The following NDEL1 variants were observed in gnomAD, a reference collection of about 807,000 sequenced individuals.
The protein encoded by NDEL1 is nudE neurodevelopment protein 1 like 1.
A neutral mutation model predicts 45.7 loss-of-function variants in NDEL1; 9 were observed. The ratio of observed to expected loss-of-function variants is 0.20; its 90% CI spans 0.12 to 0.34. The LOEUF is 0.34. Among genes scored for constraint, NDEL1 ranks in the 10% least tolerant of loss-of-function variants. The pLI is 1.00. For missense variants in NDEL1, 306 were observed against 406.2 expected, an observed-to-expected ratio of 0.75 and a Z score of 2.12; for synonymous variants, 133 against 158.6, an observed-to-expected ratio of 0.84 and a Z score of 1.21.
At chr17:8,461,879 T>A (rs1207727249) in intron 8 of NDEL1, among the ~76,000 whole-genome samples, 3 of 152,102 alleles carry the variant, frequency 2.0e-5, no homozygotes, top group African/African-American at 7.2e-5. Flanking sequence ...CAGGTGTGAA[T>A]CATAAATGGA....
At chr17:8,446,927 A>T (rs751899999) in intron 4 of NDEL1, 25 bp downstream of exon 4, 1 of 1,607,618 alleles carries the variant, frequency 6.2e-7, no homozygotes, top group Non-Finnish European at 8.5e-7. Context: ...GCATTTTGTT[A>T]GAAAAAAACC....
intron 1 of NDEL1, among the ~76,000 whole-genome samples, chr17:8,421,880 C>T (rs552134568): frequency 3.9e-5 from 6 of 152,220 alleles, no homozygotes; most frequent in African/African-American, 1.2e-4. Flanking sequence ...TCTGCTCCAC[C>T]GGGATGGTGC....
upstream of NDEL1, chr17:8,435,858 C>T (rs1909283278): frequency 2.2e-6 from 1 of 446,858 alleles, no homozygotes; most frequent in South Asian, 1.6e-5. Flanking sequence ...CCCCGTGCGT[C>T]ACAGAATGGC....
chr17:8,463,244 C>T, intron 8 of NDEL1: 1 of 1,184,412 alleles, frequency 8.4e-7, no homozygotes, highest in Non-Finnish European at 1.3e-6. Flanking sequence ...TGTAGGTGGG[C>T]ATGGACTAAT....
chr17:8,468,423 G>A (rs1237530119), downstream of NDEL1, among the ~76,000 whole-genome samples: 3 of 152,224 alleles, frequency 2.0e-5, no homozygotes, highest in Non-Finnish European at 2.9e-5. Flanking sequence ...TGAAAGGAAG[G>A]ACCAGGATGT....
At chr17:8,444,583 T>C in intron 2 of NDEL1, 1 of 408,728 alleles carries the variant, frequency 2.4e-6, no homozygotes, top group Non-Finnish European at 4.4e-6. Context: ...AAACTGTCAT[T>C]TATGATTTCT....
At chr17:8,437,270 C>G (rs376945405) in intron 1 of NDEL1, among the ~76,000 whole-genome samples, 1 of 152,132 alleles carries the variant, frequency 6.6e-6, no homozygotes, top group East Asian at 1.9e-4. Context: ...GCGTGAGAAA[C>G]AAAACCTTTG....
intron 2 of NDEL1, among the ~76,000 whole-genome samples, chr17:8,445,295 A>C (rs1325511453): frequency 6.6e-6 from 1 of 152,244 alleles, no homozygotes; most frequent in Non-Finnish European, 1.5e-5. Flanking sequence ...ATTTTGAAAT[A>C]GTCATGAAAA....
At chr17:8,442,991 G>A (rs2151713424) in intron 1 of NDEL1, among the ~76,000 whole-genome samples, 1 of 151,696 alleles carries the variant, frequency 6.6e-6, no homozygotes, top group South Asian at 2.1e-4. Flanking sequence ...GTGTTAGCCA[G>A]GATGGTCTCA....
chr17:8,437,988 T>A (rs1384165152), intron 1 of NDEL1, among the ~76,000 whole-genome samples: 1 of 152,102 alleles, frequency 6.6e-6, no homozygotes, highest in Non-Finnish European at 1.5e-5. Flanking sequence ...TGATGGAGTC[T>A]CCCTCTGTTG....
chr17:8,418,829 CTCTCTCTTTCTCTT>C (rs945965059), intron 1 of NDEL1, among the ~76,000 whole-genome samples: 1 of 124,884 alleles, frequency 8.0e-6, no homozygotes, highest in African/African-American at 2.6e-5. Context: ...TCCTCTCTCT[CTCTCTCTTTCTCTT>C]TCTCTCTCTT....
At chr17:8,446,449 CA>C (rs1910083835) in intron 3 of NDEL1, among the ~76,000 whole-genome samples, 1 of 152,158 alleles carries the variant, frequency 6.6e-6, no homozygotes, top group Non-Finnish European at 1.5e-5. Context: ...CCCTGGGCCG[CA>C]TTTAGCCTGA....
intron 1 of NDEL1, among the ~76,000 whole-genome samples, chr17:8,427,898 G>A (rs893472045): frequency 6.6e-6 from 1 of 152,094 alleles, no homozygotes; most frequent in African/African-American, 2.4e-5. Flanking sequence ...TCTATTTAAG[G>A]CATTTGCATG....
At chr17:8,457,352 C>T (rs1314514549) in intron 7 of NDEL1, among the ~76,000 whole-genome samples, 1 of 152,106 alleles carries the variant, frequency 6.6e-6, no homozygotes, top group African/African-American at 2.4e-5. Context: ...GTCTTTGTTC[C>T]TTGTTTGTTT....
At chr17:8,415,322 G>C (rs1756782991) in intron 1 of NDEL1, among the ~76,000 whole-genome samples, 1 of 152,022 alleles carries the variant, frequency 6.6e-6, no homozygotes, top group South Asian at 2.1e-4. Flanking sequence ...GGGGCCACAG[G>C]TGTCTGCCAT....
At chr17:8,413,138 A>G (rs4791701) in exon 1 of NDEL1, 63,250 of 152,174 alleles carry the variant, frequency 0.42, 13,635 homozygotes, top group African/African-American at 0.53. Context: ...TCCATTTCCC[A>G]TCCTTGCGTA....
At chr17:8,452,740 C>CTTTTTTTTTTTTTTTTTTTTTTTTTCT in intron 6 of NDEL1, among the ~76,000 whole-genome samples, 1 of 95,628 alleles carries the variant, frequency 1.0e-5, no homozygotes, top group Non-Finnish European at 2.0e-5. Flanking sequence ...TTTTTCTTCT[C>CTTTTTTTTTTTTTTTTTTTTTTTTTCT]TTTTTTTTTT....
chr17:8,427,436 C>T (rs1908865525), intron 1 of NDEL1, among the ~76,000 whole-genome samples: 1 of 152,138 alleles, frequency 6.6e-6, no homozygotes, highest in African/African-American at 2.4e-5. Flanking sequence ...CATGGTGGCT[C>T]ATGCCTGTAA....
intron 1 of NDEL1, among the ~76,000 whole-genome samples, chr17:8,417,748 G>A (rs1314095734): frequency 6.6e-6 from 1 of 152,208 alleles, no homozygotes; most frequent in East Asian, 1.9e-4. Flanking sequence ...TAGCTTCAAA[G>A]ACTTCCCCTC....
Sources: gnomAD v4.1 joint callset for allele counts (sites outside exome capture counted in the v4.1 genomes callset) on GRCh38, gnomAD v4.1.1 for gene constraint, MANE v1.5 for transcripts, NCBI Gene and HGNC (gene_info 2026-07-23, HGNC 2026-07-21) for gene names.